The following CASD1 variants were observed in gnomAD, a reference collection of about 807,000 sequenced individuals.
CASD1 encodes the protein N-acetylneuraminate (7)9-O-acetyltransferase.
Under a neutral mutation model 100.0 loss-of-function variants are expected in CASD1, and 41 were observed. That is an observed-to-expected ratio of 0.41 (90% confidence interval 0.32 to 0.53). The LOEUF (loss-of-function observed/expected upper bound fraction) is 0.53, where lower values mean the gene tolerates loss of function less well. Among genes scored for constraint, CASD1 ranks in the 20% least tolerant of loss-of-function variants. CASD1 has a pLI of 0.25. For synonymous variants in CASD1, 321 were observed against 315.6 expected (o/e 1.02, Z -0.18); for missense variants, 774 against 948.7 (o/e 0.82, Z 2.42).
At chr7:94,632,368 C>A in the CASD1 span, among the ~76,000 whole-genome samples, 2 of 151,992 alleles carry the variant, frequency 1.3e-5, no homozygotes, top group African/African-American at 4.8e-5. Context: ...AAAAACATTT[C>A]TGCGTTCTAC....
At chr7:94,541,255 G>A (rs1221526148) in intron 10 of CASD1, among the ~76,000 whole-genome samples, 3 of 151,778 alleles carry the variant, frequency 2.0e-5, no homozygotes, top group South Asian at 2.1e-4. Context: ...GGGATTACTC[G>A]TACTAAAAAC....
intron 11 of CASD1, among the ~76,000 whole-genome samples, chr7:94,545,138 T>C (rs1470513262): frequency 6.6e-6 from 1 of 152,166 alleles, no homozygotes; most frequent in Non-Finnish European, 1.5e-5. Flanking sequence ...ATTTTGTATC[T>C]TTGACAACTC....
At chr7:94,517,986 G>A (rs1452036431) in intron 2 of CASD1, among the ~76,000 whole-genome samples, 2 of 152,184 alleles carry the variant, frequency 1.3e-5, no homozygotes, top group Non-Finnish European at 2.9e-5. Flanking sequence ...TACAGTTAGA[G>A]TACATCTTAA....
chr7:94,532,485 C>T (rs1794898580), intron 5 of CASD1, among the ~76,000 whole-genome samples: 1 of 152,138 alleles, frequency 6.6e-6, no homozygotes, highest in Non-Finnish European at 1.5e-5. Context: ...GGAGGATTCA[C>T]ATCCCAGGAG....
At chr7:94,533,903 A>G in intron 7 of CASD1, 101 bp downstream of exon 7, 1 of 1,110,324 alleles carries the variant, frequency 9.0e-7, no homozygotes, top group Non-Finnish European at 1.2e-6. Flanking sequence ...CTTTATGAGA[A>G]TTAATTTTGA....
intron 7 of CASD1, 67 bp downstream of exon 7, chr7:94,533,869 C>T (rs879576143): frequency 2.4e-5 from 32 of 1,351,598 alleles, no homozygotes; most frequent in Non-Finnish European, 2.8e-5. Flanking sequence ...TTATTATCTC[C>T]TGTTTCAAGA....
chr7:94,590,705 T>C, the CASD1 span: 1 of 152,246 alleles, frequency 6.6e-6, no homozygotes, highest in Admixed American at 6.5e-5. Flanking sequence ...GAGATAAATG[T>C]GAGGTTGCCT....
In CASD1 at chr7:94,518,267, T is replaced by A; in HGVS notation, c.295T>A (p.Leu99Met). 6.3e-7 allele frequency: 1 copy of A among 1,582,052 alleles called. No homozygotes were observed. Residue 99 changes from leucine (L) to methionine (M), a missense_variant, in exon 3 of 18, where the codon TTG becomes ATG. Physicochemically the swap from Leu to Met is conservative, Grantham distance 15 (BLOSUM62 2). Around this residue, in one of 5 missense-constraint regions of CASD1, gnomAD observed 61 missense variants for 115.9 expected, o/e 0.53. Coordinates refer to ENST00000297273, the MANE Select transcript of CASD1 (RefSeq NM_022900.5). ...TATTGGAGATTCCAGAATTCGTCAA[T>A]TGTTTTATTCTTTTGTAAAAATAAT... Reference protein sequence around the residue: ...AFIGDSRIRQLFYSFVKIINP... With the variant: ...AFIGDSRIRQMFYSFVKIINP...
chr7:94,551,493 C>T lies in CASD1; in HGVS notation c.1956+15C>T, dbSNP rs769084982. 1.6e-5 allele frequency: 22 copies of T among 1,349,976 alleles called. No homozygotes were observed. The African/African-American group carries it at 3.1e-4, about 19-fold the overall frequency. The allele number at this position is 1,349,976 out of a possible 1,614,324, so 83.6% of individuals were successfully genotyped here. ...TTTCTTTCTTGGTAAGTTTTGAAAACTTTCCAAAATTCTAAATGGTATGGA... is the reference window on the plus strand; with the variant it reads ...TTTCTTTCTTGGTAAGTTTTGAAAATTTTCCAAAATTCTAAATGGTATGGA... On this transcript the variant is annotated intron_variant, in intron 15 of 17. Coordinates refer to ENST00000297273, the MANE Select transcript of CASD1 (RefSeq NM_022900.5).
At position 94,555,554 on chromosome 7, in the gene CASD1, AC is replaced by A; in HGVS notation, c.2192del (p.Pro731LeufsTer42). ...ADTRGILVLI[P>X]GNPMLNIIVS... Reference sequence around the variant, plus strand: ...ACACAAGGGGTATCTTGGTACTGATACCTGGAAACCCTATGCTCAACATCAT... The same window carrying A: ...ACACAAGGGGTATCTTGGTACTGATACTGGAAACCCTATGCTCAACATCAT... On this transcript the variant is annotated frameshift_variant, in exon 18 of 18. Transcript: ENST00000297273. LOFTEE classifies it high-confidence loss of function. 6.2e-7 allele frequency: 1 copy of A among 1,613,454 alleles called. No individual in the cohort carries two copies. The highest frequency in any genetic ancestry group is 8.5e-7 in the Non-Finnish European group (1 of 1,179,662).
chr7:94,552,051 A>C (rs1266930596), intron 15 of CASD1: 1 of 259,126 alleles, frequency 3.9e-6, no homozygotes, highest in Non-Finnish European at 7.2e-6. Flanking sequence ...AAGTTACAAT[A>C]AATTTGGGAT....
chr7:94,626,433 T>C, the CASD1 span: 4 of 152,062 alleles, frequency 2.6e-5, no homozygotes, highest in African/African-American at 9.7e-5. Flanking sequence ...CTACCTAGAC[T>C]TGAGACCTGG....
chr7:94,561,770 C>CCGT (rs1193446337), downstream of CASD1, among the ~76,000 whole-genome samples: 1 of 152,028 alleles, frequency 6.6e-6, no homozygotes, highest in African/African-American at 2.4e-5. Flanking sequence ...CAGTCATGAA[C>CCGT]CGTCAGCTAG....
downstream of CASD1, among the ~76,000 whole-genome samples, chr7:94,559,189 A>G (rs902471298): frequency 6.6e-6 from 1 of 152,112 alleles, no homozygotes; most frequent in African/African-American, 2.4e-5. Context: ...ACAAGGAGAC[A>G]CAAATGGAAG....
intron 1 of CASD1, among the ~76,000 whole-genome samples, chr7:94,511,792 A>G (rs571634675): frequency 2.0e-5 from 3 of 152,164 alleles, no homozygotes; most frequent in Non-Finnish European, 2.9e-5. Flanking sequence ...TTATCTTTTG[A>G]TAACCTTGGA....
the CASD1 span, among the ~76,000 whole-genome samples, chr7:94,582,846 C>T: frequency 6.6e-6 from 1 of 152,164 alleles, no homozygotes; most frequent in African/African-American, 2.4e-5. Flanking sequence ...GAGAACAAGC[C>T]TATGTCTAAT....
chr7:94,519,647 T>G (rs1382416065), intron 3 of CASD1, among the ~76,000 whole-genome samples: 1 of 152,106 alleles, frequency 6.6e-6, no homozygotes, highest in Non-Finnish European at 1.5e-5. Context: ...GTGAAAAATT[T>G]TAATAAACTT....
At chr7:94,536,848 G>A (rs1056413) in intron 8 of CASD1, among the ~76,000 whole-genome samples, 66,048 of 151,942 alleles carry the variant, frequency 0.43, 14,896 homozygotes, top group South Asian at 0.52. Context: ...CCATGTTGAA[G>A]GTTCTAAATT....
At chr7:94,565,724 G>T in the CASD1 span, among the ~76,000 whole-genome samples, 1 of 152,156 alleles carries the variant, frequency 6.6e-6, no homozygotes. Flanking sequence ...TGCCTGCCGA[G>T]CATGAGTGAG....
Sources: allele counts gnomAD v4.1 joint callset (sites outside exome capture counted in the v4.1 genomes callset), GRCh38; gene constraint gnomAD v4.1.1; regional missense constraint gnomAD v4.1.1; transcripts MANE v1.5; gene names NCBI Gene and HGNC (gene_info 2026-07-23, HGNC 2026-07-21).